Variants in KHDRBS1 observed in about 807,000 individuals in gnomAD.
The protein encoded by KHDRBS1 is KH RNA binding domain containing, signal transduction associated 1, also known as KH domain-containing, RNA-binding, signal transduction-associated protein 1.
Under a neutral mutation model 48.4 loss-of-function variants are expected in KHDRBS1, and 7 were observed. The ratio of observed to expected loss-of-function variants is 0.14; its 90% CI spans 0.08 to 0.27. The LOEUF (loss-of-function observed/expected upper bound fraction) is 0.27. Ranked by LOEUF, KHDRBS1 falls within the 10% of genes least tolerant of loss-of-function variation. The pLI, the probability that KHDRBS1 is intolerant of heterozygous loss-of-function variation, is 1.00. For synonymous variants in KHDRBS1, 241 were observed against 235.8 expected, an observed-to-expected ratio of 1.02 and a Z score of -0.20; for missense variants, 458 against 601.2, an observed-to-expected ratio of 0.76 and a Z score of 2.49.
intron 1 of KHDRBS1, 136 bp downstream of exon 1, chr1:32,014,513 G>A: frequency 1.1e-6 from 1 of 943,470 alleles, no homozygotes; most frequent in Non-Finnish European, 1.4e-6. Context: ...ATTTTTGGGA[G>A]CCTGGATTCC....
intron 7 of KHDRBS1, among the ~76,000 whole-genome samples, chr1:32,039,085 A>C (rs1043677828): frequency 6.6e-6 from 1 of 152,210 alleles, no homozygotes; most frequent in Non-Finnish European, 1.5e-5. Flanking sequence ...TTCCATTACC[A>C]TAACTTAGGT....
intron 1 of KHDRBS1, among the ~76,000 whole-genome samples, chr1:32,027,171 A>AT (rs1189920304): frequency 6.6e-6 from 1 of 152,090 alleles, no homozygotes; most frequent in African/African-American, 2.4e-5. Context: ...ACCTCAGGTG[A>AT]TTTGCCCACC....
intron 10 of KHDRBS1, among the ~76,000 whole-genome samples, chr1:32,059,911 T>C (rs572601128): frequency 3.9e-5 from 6 of 152,166 alleles, no homozygotes; most frequent in Admixed American, 6.6e-5. Flanking sequence ...AGCTGAGATA[T>C]GGCCAAGGAC....
intron 10 of KHDRBS1, among the ~76,000 whole-genome samples, chr1:32,057,485 CTTT>C (rs931055192): frequency 6.0e-5 from 8 of 132,528 alleles, no homozygotes; most frequent in African/African-American, 1.1e-4. Context: ...TTCTTCTTTT[CTTT>C]TTTTTTTTTT....
chr1:32,046,287 T>G (rs1188987201), downstream of KHDRBS1, among the ~76,000 whole-genome samples: 1 of 152,104 alleles, frequency 6.6e-6, no homozygotes, highest in East Asian at 1.9e-4. Context: ...CAATCTCAGC[T>G]CACTGCAACC....
At chr1:32,015,123 A>C (rs1638711829) in intron 1 of KHDRBS1, among the ~76,000 whole-genome samples, 2 of 152,212 alleles carry the variant, frequency 1.3e-5, no homozygotes, top group African/African-American at 4.8e-5. Context: ...TTTCCCAACG[A>C]GATGGACAGA....
At chr1:32,019,091 CTG>C (rs1264493227) in intron 1 of KHDRBS1, among the ~76,000 whole-genome samples, 2 of 151,938 alleles carry the variant, frequency 1.3e-5, no homozygotes, top group East Asian at 3.9e-4. Flanking sequence ...GAGCGAGACT[CTG>C]TCTTAAAAAA....
At chr1:32,054,923 A>T (rs1318959449) in intron 10 of KHDRBS1, among the ~76,000 whole-genome samples, 1 of 152,228 alleles carries the variant, frequency 6.6e-6, no homozygotes, top group Admixed American at 6.5e-5. Context: ...AACCCTGTGA[A>T]GCAATGATTA....
intron 1 of KHDRBS1, among the ~76,000 whole-genome samples, chr1:32,020,616 T>TAAAAA (rs970503623): frequency 1.3e-5 from 1 of 77,518 alleles, no homozygotes; most frequent in Non-Finnish European, 3.2e-5. Context: ...TACTGTGCAA[T>TAAAAA]AAAAAAAAAA....
intron 1 of KHDRBS1, among the ~76,000 whole-genome samples, chr1:32,014,833 A>C (rs917440311): frequency 6.6e-6 from 1 of 152,000 alleles, no homozygotes; most frequent in Non-Finnish European, 1.5e-5. Context: ...GGAAGGGCCG[A>C]GGTGAGGTGG....
chr1:32,015,607 C>G (rs1456835185), intron 1 of KHDRBS1, among the ~76,000 whole-genome samples: 1 of 152,182 alleles, frequency 6.6e-6, no homozygotes, highest in African/African-American at 2.4e-5. Flanking sequence ...TTTTCAGTCT[C>G]CCCTCACTGC....
chr1:32,041,614 G>T (rs567239736), intron 8 of KHDRBS1, among the ~76,000 whole-genome samples: 50 of 132,730 alleles, frequency 3.8e-4, no homozygotes, highest in Non-Finnish European at 6.8e-4. Flanking sequence ...TTTTGAGATG[G>T]AGTCTGGCTC....
chr1:32,017,841 A>C (rs1035229628), intron 1 of KHDRBS1, among the ~76,000 whole-genome samples: 2 of 151,850 alleles, frequency 1.3e-5, no homozygotes, highest in Non-Finnish European at 2.9e-5. Flanking sequence ...TCCCGACCTC[A>C]GGTGATCCGC....
At chr1:32,026,228 G>A (rs1638968399) in intron 1 of KHDRBS1, among the ~76,000 whole-genome samples, 1 of 152,122 alleles carries the variant, frequency 6.6e-6, no homozygotes, top group South Asian at 2.1e-4. Context: ...GAATGCAGTG[G>A]CATGATCTTG....
chr1:32,032,656 A>C (rs1353367541), intron 3 of KHDRBS1, among the ~76,000 whole-genome samples: 1 of 152,146 alleles, frequency 6.6e-6, no homozygotes, highest in East Asian at 1.9e-4. Context: ...GACCATGTGC[A>C]AGTTTAGCAG....
intron 10 of KHDRBS1, among the ~76,000 whole-genome samples, chr1:32,055,481 T>TC: frequency 6.6e-6 from 1 of 152,158 alleles, no homozygotes; most frequent in East Asian, 1.9e-4. Flanking sequence ...TTATGAGCCC[T>TC]CCCCTCTTCT....
intron 1 of KHDRBS1, among the ~76,000 whole-genome samples, chr1:32,017,466 C>T (rs975233727): frequency 2.6e-5 from 4 of 151,766 alleles, no homozygotes; most frequent in Non-Finnish European, 4.4e-5. Flanking sequence ...TGTATATATT[C>T]GAATGTGTCT....
chr1:32,039,644 A>G (rs1639247019), intron 8 of KHDRBS1, 71 bp downstream of exon 8: 5 of 839,436 alleles, frequency 6.0e-6, no homozygotes, highest in Non-Finnish European at 1.1e-5. Flanking sequence ...TGACTAAAGT[A>G]TTGAGAGTCA....
chr1:32,039,085 A>G (rs1043677828), intron 7 of KHDRBS1, among the ~76,000 whole-genome samples: 2 of 152,210 alleles, frequency 1.3e-5, no homozygotes, highest in African/African-American at 4.8e-5. Flanking sequence ...TTCCATTACC[A>G]TAACTTAGGT....
Sources: gnomAD v4.1 joint callset for allele counts (sites outside exome capture counted in the v4.1 genomes callset) on GRCh38, gnomAD v4.1.1 for gene constraint, MANE v1.5 for transcripts, NCBI Gene and HGNC (gene_info 2026-07-23, HGNC 2026-07-21) for gene names.